Variants in UFD1 observed in about 807,000 individuals in gnomAD.
UFD1 encodes the protein ubiquitin recognition factor in ER associated degradation 1.
Under a neutral mutation model 45.9 loss-of-function variants are expected in UFD1, and 13 were observed. The ratio of observed to expected loss-of-function variants is 0.28; its 90% confidence interval spans 0.18 to 0.45. The LOEUF (loss-of-function observed/expected upper bound fraction) is 0.45. Among genes scored for constraint, UFD1 ranks in the 20% least tolerant of loss-of-function variants. The pLI is 1.00. For missense variants in UFD1, 218 were observed against 389.2 expected, an observed-to-expected ratio of 0.56 and a Z score of 3.70; for synonymous variants, 128 against 139.2, an observed-to-expected ratio of 0.92 and a Z score of 0.56.
rs112688452 is a variant in UFD1, at chr22:19,467,649, A to G, written c.422+224T>C. The G allele has an allele frequency of 2.9e-5, 18 of 610,282 alleles. 1 individual carries two copies. Among genetic ancestry groups the G allele is most frequent in the African/African-American group, 2.2e-4 (12 of 53,358 alleles). 37.8% of individuals were successfully genotyped at this position (610,282 alleles called of 1,614,324 possible). A position where few individuals can be genotyped will look rare whatever the true frequency, so the allele number is the denominator to read the frequency against. On this transcript the variant is annotated intron_variant, in intron 5 of 11. Transcript: ENST00000263202. Reference sequence around the variant, plus strand: ...AAAGAAGGGCTTCATTGTGGTCTCCATGAAGTGTCTGGAAAGTGACAGAGG... The same window carrying G: ...AAAGAAGGGCTTCATTGTGGTCTCCGTGAAGTGTCTGGAAAGTGACAGAGG...
chr22:19,454,979 CAGAAAGT>C, intron 10 of UFD1, 149 bp from the exon 11 acceptor site: 1 of 881,430 alleles, frequency 1.1e-6, no homozygotes. Context: ...AGGAGGGAAG[CAGAAAGT>C]AACTGACTTC....
At chr22:19,453,771 G>A in intron 11 of UFD1, 2 of 985,574 alleles carry the variant, frequency 2.0e-6, no homozygotes, top group African/African-American at 1.7e-5. Context: ...CACCCCAAGT[G>A]CTAGAGAAAA....
intron 11 of UFD1, chr22:19,453,517 C>A: frequency 1.0e-6 from 1 of 985,472 alleles, no homozygotes; most frequent in Non-Finnish European, 1.2e-6. Flanking sequence ...GGGGACGTCC[C>A]ATGCTAAGGT....
In UFD1 at chr22:19,450,665, C is replaced by T. The variant is rs1267539874; in HGVS notation, c.*5G>A. ...ATTATTTTCCAATCAGCCAACAGTCCTCACTTAGGGCTTTCTTCCCTTTTT... is the reference window on the plus strand; with the variant it reads ...ATTATTTTCCAATCAGCCAACAGTCTTCACTTAGGGCTTTCTTCCCTTTTT... On this transcript the variant is annotated 3_prime_UTR_variant, in exon 12 of 12. Transcript: ENST00000263202. 1.2e-6 allele frequency: 2 copies of T among 1,614,006 alleles called. No homozygotes were observed. Among genetic ancestry groups the T allele is most frequent in the Non-Finnish European group, 1.7e-6 (2 of 1,180,022 alleles).
rs925538264 is a variant in UFD1, at chr22:19,474,569, T to G, written c.169+499A>C. ...CTCAAAAAATAAATAAATAAATAAA[T>G]AAAAGAAAAGAAATGGGGGTCTGGA... On this transcript the variant is annotated intron_variant, in intron 3 of 11. Coordinates refer to ENST00000263202, the MANE Select transcript of UFD1 (RefSeq NM_005659.7). 2.4e-4 allele frequency among the ~76,000 whole-genome samples: 36 copies of G among 151,786 alleles called. 1 individual carries two copies. The highest frequency in any genetic ancestry group is 8.2e-4 in the African/African-American group (34 of 41,370).
chr22:19,465,922 G>A (rs2089798488), intron 5 of UFD1: 1 of 152,196 alleles, frequency 6.6e-6, no homozygotes, highest in South Asian at 2.1e-4. Flanking sequence ...TTTTATAACA[G>A]TAAAACTGTA....
chr22:19,462,472 C>A (rs1269963832), intron 6 of UFD1, among the ~76,000 whole-genome samples: 1 of 152,044 alleles, frequency 6.6e-6, no homozygotes, highest in Non-Finnish European at 1.5e-5. Flanking sequence ...TCGAGACCAG[C>A]CTGGCCAACA....
chr22:19,479,000 T>TGCCCCCCCC, intron 1 of UFD1, 83 bp downstream of exon 1: 1 of 1,478,078 alleles, frequency 6.8e-7, no homozygotes, highest in Non-Finnish European at 9.1e-7. Flanking sequence ...TCCGCCGCCG[T>TGCCCCCCCC]CCCGCCCCGC....
chr22:19,475,559 T>G lies in UFD1; in HGVS notation c.47A>C (p.Gln16Pro), dbSNP rs768099897. Residue 16 changes from glutamine (Q) to proline (P), a missense_variant, in exon 2 of 12, where the codon CAA (glutamine) becomes CCA (proline). This residue lies in a region of UFD1 where 149 missense variants were observed against 307.5 expected (regional missense o/e 0.48). Transcript: ENST00000263202. ...MFDHPIPRVF[Q>P]NRFSTQYRCF... ...GCGGTACTGTGTGGAGAAGCGGTTT[T>G]GGAAGACCCTGGGAATAGGGTGGTC... 1.2e-6 allele frequency: 2 copies of G among 1,614,098 alleles called. No individual in the cohort carries two copies. The highest frequency in any genetic ancestry group is 1.7e-6 in the Non-Finnish European group (2 of 1,180,050).
chr22:19,471,407 C>T (rs2089844285), intron 4 of UFD1: 2 of 695,552 alleles, frequency 2.9e-6, no homozygotes, highest in Non-Finnish European at 5.3e-6. Flanking sequence ...TTAAAAACGC[C>T]TCACCCAGGA....
intron 11 of UFD1, chr22:19,452,015 ATG>A (rs2089686833): frequency 2.3e-6 from 2 of 867,644 alleles, no homozygotes; most frequent in Non-Finnish European, 2.8e-6. Flanking sequence ...GAAAAGATGC[ATG>A]AGGATTATCT....
intron 11 of UFD1, chr22:19,451,571 GCATTAT>G: frequency 1.0e-6 from 1 of 985,324 alleles, no homozygotes; most frequent in Non-Finnish European, 1.2e-6. Flanking sequence ...TCAGTCTGAG[GCATTAT>G]CTCAACTTTT....
At chr22:19,462,393 C>T (rs766976543) in intron 6 of UFD1, among the ~76,000 whole-genome samples, 1 of 152,256 alleles carries the variant, frequency 6.6e-6, no homozygotes, top group African/African-American at 2.4e-5. Flanking sequence ...AGGCCAGGCG[C>T]GGTGGCTCAC....
At chr22:19,452,932 T>A in intron 11 of UFD1, 9 of 499,354 alleles carry the variant, frequency 1.8e-5, no homozygotes, top group Non-Finnish European at 2.3e-5. Flanking sequence ...TGGAACTCAG[T>A]GAGCCCTTCA....
At chr22:19,451,665 C>T in intron 11 of UFD1, 1 of 985,450 alleles carries the variant, frequency 1.0e-6, no homozygotes, top group Non-Finnish European at 1.2e-6. Flanking sequence ...GCATGTTATA[C>T]CTGCAATAGA....
chr22:19,459,721 TAA>T (rs1054327458), intron 6 of UFD1, among the ~76,000 whole-genome samples: 4 of 148,184 alleles, frequency 2.7e-5, no homozygotes, highest in Non-Finnish European at 4.5e-5. Context: ...TGCTTTTATC[TAA>T]AGTCTGTCTT....
intron 6 of UFD1, 48 bp downstream of exon 6, chr22:19,465,154 C>T (rs1569329670): frequency 4.5e-6 from 7 of 1,548,170 alleles, no homozygotes; most frequent in Non-Finnish European, 6.2e-6. Context: ...TTAGAATGGA[C>T]ACTGCAGGTG....
intron 7 of UFD1, 131 bp downstream of exon 7, chr22:19,457,940 A>T: frequency 1.1e-6 from 1 of 877,992 alleles, no homozygotes. Flanking sequence ...ATGTTCTGAC[A>T]GCATCTTCCT....
chr22:19,470,713 A>G (rs1174389565), intron 4 of UFD1: 1 of 454,656 alleles, frequency 2.2e-6, no homozygotes, highest in Admixed American at 2.3e-5. Flanking sequence ...AAGTGCTGGG[A>G]TTAGAGGCGT....
Sources: allele counts gnomAD v4.1 joint callset (sites outside exome capture counted in the v4.1 genomes callset), GRCh38; gene constraint gnomAD v4.1.1; regional missense constraint gnomAD v4.1.1; transcripts MANE v1.5; gene names NCBI Gene and HGNC (gene_info 2026-07-23, HGNC 2026-07-21).